PCDHGA3: variants seen among roughly 807,000 people sequenced by gnomAD.
The protein encoded by PCDHGA3 is protocadherin gamma-A3.
Under a neutral mutation model 58.5 loss-of-function variants are expected in PCDHGA3, and 40 were observed. The ratio of observed to expected loss-of-function variants is 0.68; its 90% CI spans 0.53 to 0.89. The LOEUF (loss-of-function observed/expected upper bound fraction) is 0.89, where lower values mean the gene tolerates loss of function less well. Among genes scored for constraint, PCDHGA3 ranks in the 40% least tolerant of loss-of-function variants. PCDHGA3 has a pLI of 0.00. For missense variants in PCDHGA3, 1,223 were observed against 1,195.9 expected, an observed-to-expected ratio of 1.02 and a Z score of -0.33; for synonymous variants, 530 against 525.7, an observed-to-expected ratio of 1.01 and a Z score of -0.11.
In PCDHGA3 at chr5:141,353,262, A is replaced by G. The variant is rs1401418030; in HGVS notation, c.2424+6805A>G. On this transcript the variant is annotated intron_variant, in intron 1 of 3. Transcript: ENST00000253812. ...AGTGCCTTTTCTTAGTTGATATGCA[A>G]TACTATATTTTCAAGTCATTTTATT... Among the ~76,000 whole-genome samples, 4 of 152,180 alleles carry G rather than the reference A, an allele frequency of 2.6e-5. No individual in the cohort carries two copies. In the East Asian group the frequency reaches 7.7e-4, roughly 29 times the overall value.
chr5:141,353,225 C>T (rs188336761), intron 1 of PCDHGA3, among the ~76,000 whole-genome samples: 4 of 152,266 alleles, frequency 2.6e-5, no homozygotes, highest in East Asian at 3.9e-4. Flanking sequence ...GATGTTAACA[C>T]TTAGTAATAG....
At chr5:141,365,174 C>T (rs748996894) in intron 1 of PCDHGA3, 28 of 1,613,760 alleles carry the variant, frequency 1.7e-5, no homozygotes, top group Non-Finnish European at 2.1e-5. Flanking sequence ...CTACTCTTTT[C>T]GCAATGAAGA....
chr5:141,384,064 A>G, intron 1 of PCDHGA3: 13 of 1,607,984 alleles, frequency 8.1e-6, no homozygotes, highest in Non-Finnish European at 1.1e-5. Context: ...CATTCCAGAA[A>G]ACCTACCTTT....
chr5:141,362,574 T>C, intron 1 of PCDHGA3: 3 of 1,605,712 alleles, frequency 1.9e-6, no homozygotes, highest in Non-Finnish European at 2.6e-6. Flanking sequence ...TTAATTAATT[T>C]ATTTTCACTT....
At position 141,487,937 on chromosome 5, in the gene PCDHGA3, T is replaced by G; in HGVS notation, c.2425-6870T>G. 2 of 603,606 alleles carry G rather than the reference T, an allele frequency of 3.3e-6. No homozygotes were observed. The highest frequency in any genetic ancestry group is 2.9e-6 in the Non-Finnish European group (1 of 345,124). 37.4% of individuals were successfully genotyped at this position (603,606 alleles called of 1,614,324 possible). ...GGAGGCTACAGTGCACAGGGTACAG[T>G]GCACCAGGCAGTCACTTGGACAAAG... On this transcript the variant is annotated intron_variant, in intron 1 of 3. Transcript: ENST00000253812. The surrounding 1 kb of genome is among the most constrained non-coding windows in gnomAD (Gnocchi z 5.0).
chr5:141,386,522 C>T (rs1561611649), intron 1 of PCDHGA3, among the ~76,000 whole-genome samples: 3 of 152,174 alleles, frequency 2.0e-5, no homozygotes, highest in African/African-American at 4.8e-5. Flanking sequence ...CAAAAAAAGA[C>T]TCTTTTTAGA....
rs2095763034 is a variant in PCDHGA3, at chr5:141,414,586, A to G, written c.2424+68129A>G. 1.2e-6 allele frequency: 2 copies of G among 1,613,964 alleles called. No individual in the cohort carries two copies. The highest frequency in any genetic ancestry group is 8.5e-7 in the Non-Finnish European group (1 of 1,179,880). On this transcript the variant is annotated intron_variant, in intron 1 of 3. Transcript: ENST00000253812. ...TACCTATATCCCAGAGAACAACGCC[A>G]GGGGTGCCTCCATCTTCTCAGTGAC...
At chr5:141,363,976 A>G (rs1416527088) in intron 1 of PCDHGA3, among the ~76,000 whole-genome samples, 1 of 152,278 alleles carries the variant, frequency 6.6e-6, no homozygotes, top group Non-Finnish European at 1.5e-5. Context: ...CTTGCTATTC[A>G]GAATTAAAGC....
At chr5:141,472,176 G>C (rs1416695177) in intron 1 of PCDHGA3, among the ~76,000 whole-genome samples, 3 of 152,144 alleles carry the variant, frequency 2.0e-5, no homozygotes, top group Non-Finnish European at 2.9e-5. Context: ...GTAATATCCA[G>C]TATTGGAATT....
At chr5:141,405,031 C>T (rs760020802) in intron 1 of PCDHGA3, 4 of 1,613,968 alleles carry the variant, frequency 2.5e-6, no homozygotes, top group South Asian at 2.2e-5. Context: ...CCCTCTACCT[C>T]GTTGTGGCTG....
intron 1 of PCDHGA3, chr5:141,374,344 G>A (rs1770398551): frequency 6.2e-7 from 1 of 1,614,034 alleles, no homozygotes; most frequent in Non-Finnish European, 8.5e-7. Context: ...TGGTCACCGC[G>A]GGTAGGATAG....
At position 141,491,891 on chromosome 5, in the gene PCDHGA3, G is replaced by T. The variant is rs1487484740; in HGVS notation, c.2425-2916G>T. On this transcript the variant is annotated intron_variant, in intron 1 of 3. Coordinates refer to ENST00000253812, the MANE Select transcript of PCDHGA3 (RefSeq NM_018916.4). This position sits in a 1 kb window ranked among gnomAD's most constrained non-coding sequence, Gnocchi z 6.9. ...GTGGCCGATTAAGGGATGGGGCTCC[G>T]AGCACCGGGGGTGGTGGCGACTGTG... 19 of 1,439,438 alleles carry T rather than the reference G, an allele frequency of 1.3e-5. No homozygotes were observed. The East Asian group carries it at 4.8e-4, about 36-fold the overall frequency. 89.2% of individuals were successfully genotyped at this position (1,439,438 alleles called of 1,614,324 possible). A position where few individuals can be genotyped will look rare whatever the true frequency, so the allele number is the denominator to read the frequency against.
At position 141,511,519 on chromosome 5, in the gene PCDHGA3, C is replaced by A; in HGVS notation, c.*346C>A. On this transcript the variant is annotated 3_prime_UTR_variant, in exon 4 of 4. Transcript: ENST00000253812. ...CCAAATCAATCAGGCCCATCCATCC[C>A]ATGCCTCCCTCCTCCCCACCCCACT... 2.7e-6 allele frequency: 1 copy of A among 367,516 alleles called. No individual in the cohort carries two copies. The highest frequency in any genetic ancestry group is 2.7e-5 in the South Asian group (1 of 36,848). 22.8% of individuals were successfully genotyped at this position (367,516 alleles called of 1,614,324 possible). A position where few individuals can be genotyped will look rare whatever the true frequency, so the allele number is the denominator to read the frequency against.
chr5:141,360,059 A>C (rs568145843), intron 1 of PCDHGA3: 6 of 1,450,420 alleles, frequency 4.1e-6, no homozygotes, highest in Non-Finnish European at 1.8e-6. Flanking sequence ...AAGCAGGAAA[A>C]GTGACCTTAG....
At chr5:141,418,015 G>T (rs1385008648) in intron 1 of PCDHGA3, 1 of 1,613,964 alleles carries the variant, frequency 6.2e-7, no homozygotes, top group Non-Finnish European at 8.5e-7. Context: ...ACCTCGCTAA[G>T]GATCTAGGGC....
chr5:141,432,538 G>C lies in PCDHGA3; in HGVS notation c.2425-62269G>C, dbSNP rs200601557. The C allele has an allele frequency of 2.5e-5, 40 of 1,614,026 alleles. No individual in the cohort carries two copies. The highest frequency in any genetic ancestry group is 1.5e-4 in the Admixed American group (9 of 60,032). On this transcript the variant is annotated intron_variant, in intron 1 of 3. Coordinates refer to ENST00000253812, the MANE Select transcript of PCDHGA3 (RefSeq NM_018916.4). This position sits in a 1 kb window ranked among gnomAD's most constrained non-coding sequence, Gnocchi z 6.0. ...GCTACCTGGTGACCAAGGTGGTGGC[G>C]GTGGACAGAGACTCCGGCCAGAACG...
chr5:141,447,427 C>T (rs752438597), intron 1 of PCDHGA3, among the ~76,000 whole-genome samples: 2 of 152,174 alleles, frequency 1.3e-5, no homozygotes, highest in Non-Finnish European at 2.9e-5. Context: ...CGTGAGCCAC[C>T]GCACCCGGAG....
In PCDHGA3 at chr5:141,438,591, C is replaced by T. The variant is rs12717894; in HGVS notation, c.2425-56216C>T. 3.5e-3 allele frequency among the ~76,000 whole-genome samples: 262 copies of T among 75,376 alleles called. 1 individual carries two copies. The highest frequency in any genetic ancestry group is 4.5e-3 in the Non-Finnish European group (168 of 37,204). 49.4% of individuals were successfully genotyped at this position (75,376 alleles called of 152,430 possible). ...TCTGATATACATACATACATACATA[C>T]ATATATATATATATATATATATATA... On this transcript the variant is annotated intron_variant, in intron 1 of 3. Transcript: ENST00000253812.
intron 1 of PCDHGA3, chr5:141,399,517 G>A: frequency 1.9e-6 from 3 of 1,613,998 alleles, no homozygotes; most frequent in Non-Finnish European, 2.5e-6. Flanking sequence ...CAACCCTCCT[G>A]GGGCCTCCAT....
Sources: allele counts gnomAD v4.1 joint callset (sites outside exome capture counted in the v4.1 genomes callset), GRCh38; gene constraint gnomAD v4.1.1; non-coding constraint Gnocchi (gnomAD v3.1); transcripts MANE v1.5; gene names NCBI Gene and HGNC (gene_info 2026-07-23, HGNC 2026-07-21).